Variants in ACSF2 observed in about 807,000 individuals in gnomAD.
The protein encoded by ACSF2 is medium-chain acyl-CoA ligase ACSF2, mitochondrial.
A neutral mutation model predicts 79.3 loss-of-function variants in ACSF2; 52 were observed. The observed-to-expected ratio is 0.66, with a 90% CI of 0.53 to 0.83. The LOEUF (loss-of-function observed/expected upper bound fraction) is 0.83. Ranked by LOEUF, ACSF2 falls within the 40% of genes least tolerant of loss-of-function variation. The pLI is 0.00. For missense variants in ACSF2, 661 were observed against 803.3 expected, an observed-to-expected ratio of 0.82 and a Z score of 2.14; for synonymous variants, 283 against 312.6, an observed-to-expected ratio of 0.91 and a Z score of 1.00.
In ACSF2 at chr17:50,474,094, C is replaced by T; in HGVS notation, c.1728+90C>T. On this transcript the variant is annotated intron_variant, in intron 14 of 15. Coordinates refer to ENST00000300441, the MANE Select transcript of ACSF2 (RefSeq NM_025149.6). The surrounding 1 kb of genome is among the most constrained non-coding windows in gnomAD (Gnocchi z 4.2). ...CCAGCCCAGGGTGGGGATTGCTCTG[C>T]CCTTGACGAAGCTGACTCCTGGCCA... 1.3e-6 allele frequency: 2 copies of T among 1,581,172 alleles called. No individual in the cohort carries two copies. Among genetic ancestry groups the T allele is most frequent in the African/African-American group, 2.7e-5 (2 of 74,516 alleles).
intron 1 of ACSF2, among the ~76,000 whole-genome samples, chr17:50,447,819 A>G (rs553386890): frequency 1.3e-5 from 2 of 152,314 alleles, no homozygotes; most frequent in East Asian, 3.9e-4. Context: ...CTGACGCTTG[A>G]GGCGTACCTT....
chr17:50,453,026 C>T (rs2031770674), intron 1 of ACSF2, among the ~76,000 whole-genome samples: 1 of 152,112 alleles, frequency 6.6e-6, no homozygotes, highest in East Asian at 1.9e-4. Flanking sequence ...CCTATGCCCT[C>T]TCCTTTCTCC....
chr17:50,427,021 G>C, intron 1 of ACSF2: 2 of 1,528,992 alleles, frequency 1.3e-6, no homozygotes, highest in Non-Finnish European at 1.8e-6. Flanking sequence ...TCCTTGGGAG[G>C]ACCCCGTGAG....
At chr17:50,427,531 TC>T (rs1363534506) in intron 1 of ACSF2, among the ~76,000 whole-genome samples, 3 of 152,044 alleles carry the variant, frequency 2.0e-5, no homozygotes, top group Admixed American at 1.3e-4. Context: ...TCCCAGGGTC[TC>T]CCTAGACAAG....
At position 50,473,794 on chromosome 17, in the gene ACSF2, G is replaced by A. The variant is rs745887532; in HGVS notation, c.1605G>A (p.Val535=). 1.2e-6 allele frequency: 2 copies of A among 1,614,250 alleles called. No individual in the cohort carries two copies. The highest frequency in any genetic ancestry group is 1.7e-5 in the Admixed American group (1 of 60,032). ...LEDFFHTHPK[V]QEVQVVGVKD... ...ACTTCTTTCACACACACCCGAAGGT[G>A]CAGGAAGTGCAGGTGAGGCACTTGG... The change falls in exon 13 of 16, where the codon GTG becomes GTA. Residue 535 remains valine, a synonymous_variant. Transcript: ENST00000300441.
At position 50,471,170 on chromosome 17, in the gene ACSF2, C is replaced by G; in HGVS notation, c.1323+35C>G. The G allele has an allele frequency of 1.3e-6, 2 of 1,581,116 alleles. No homozygotes were observed. ...TGACCAAGACTCCAAAGTCCCACCT[C>G]CCGTCACCCAGCTGGGGTGCACCCA... On this transcript the variant is annotated intron_variant, in intron 11 of 15. Transcript: ENST00000300441. This position sits in a 1 kb window ranked among gnomAD's most constrained non-coding sequence, Gnocchi z 4.1.
intron 1 of ACSF2, among the ~76,000 whole-genome samples, chr17:50,428,814 C>T (rs1915261874): frequency 6.6e-6 from 1 of 152,180 alleles, no homozygotes; most frequent in South Asian, 2.1e-4. Flanking sequence ...AAAAAGAAGC[C>T]TCAGGGCTGA....
intron 1 of ACSF2, among the ~76,000 whole-genome samples, chr17:50,457,773 TA>T: frequency 6.6e-6 from 1 of 152,192 alleles, no homozygotes; most frequent in Non-Finnish European, 1.5e-5. Flanking sequence ...GTATCCCTAG[TA>T]CCTGGCACAG....
At position 50,463,819 on chromosome 17, in the gene ACSF2, G is replaced by A. The variant is rs751666003; in HGVS notation, c.1048G>A (p.Gly350Ser). Residue 350 changes from glycine to serine, a missense_variant and splice_region_variant, in exon 9 of 16, where the codon GGC becomes AGC. Physicochemically the swap from Gly to Ser is moderately conservative, Grantham distance 56 (BLOSUM62 0). Coordinates refer to ENST00000300441, the MANE Select transcript of ACSF2 (RefSeq NM_025149.6). This position sits in a 1 kb window ranked among gnomAD's most constrained non-coding sequence, Gnocchi z 4.6. ...ATTTCGAGACCTCCTCCTATACAGAGGCACCTTCCTGTATGGTACCCCCAC... is the reference window on the plus strand; with the variant it reads ...ATTTCGAGACCTCCTCCTATACAGAAGCACCTTCCTGTATGGTACCCCCAC... ...KALEAISRER[G>S]TFLYGTPTMF... 1 of 1,613,962 alleles carries A rather than the reference G, an allele frequency of 6.2e-7. No individual in the cohort carries two copies.
At position 50,461,229 on chromosome 17, in the gene ACSF2, T is replaced by C; in HGVS notation, c.325-13T>C. 1 of 1,614,120 alleles carries C rather than the reference T, an allele frequency of 6.2e-7. No homozygotes were observed. On this transcript the variant is annotated splice_polypyrimidine_tract_variant and intron_variant, in intron 2 of 15. Coordinates refer to ENST00000300441, the MANE Select transcript of ACSF2 (RefSeq NM_025149.6). Reference sequence around the variant, plus strand: ...GCCCCCTTTCACCCCTTGCGCCCCATCTTTTACACTAGGTGGACAAAGCTG... The same window carrying C: ...GCCCCCTTTCACCCCTTGCGCCCCACCTTTTACACTAGGTGGACAAAGCTG...
chr17:50,469,470 G>A (rs982267184), intron 10 of ACSF2, among the ~76,000 whole-genome samples: 3 of 152,146 alleles, frequency 2.0e-5, no homozygotes, highest in African/African-American at 4.8e-5. Flanking sequence ...GTAGACCCGA[G>A]CTCCTTCCCC....
At chr17:50,436,690 T>C (rs755991830) in intron 1 of ACSF2, among the ~76,000 whole-genome samples, 49 of 151,910 alleles carry the variant, frequency 3.2e-4, no homozygotes, top group Non-Finnish European at 2.9e-4. Flanking sequence ...TACCTCGGCC[T>C]CCCAAAGTGC....
chr17:50,474,777 T>A lies in ACSF2; in HGVS notation c.*225T>A, dbSNP rs1369580778. ...CTGCCCAGGCCCTCCCTCCTGTCCA[T>A]CCCCCACATTCCCCTGTCTGTCCTT... On this transcript the variant is annotated 3_prime_UTR_variant, in exon 16 of 16. Coordinates refer to ENST00000300441, the MANE Select transcript of ACSF2 (RefSeq NM_025149.6). The surrounding 1 kb of genome is among the most constrained non-coding windows in gnomAD (Gnocchi z 4.2). The A allele has an allele frequency of 1.3e-5, 7 of 556,398 alleles. No individual in the cohort carries two copies. Among genetic ancestry groups the A allele is most frequent in the Non-Finnish European group, 2.2e-5 (7 of 314,090 alleles). 34.5% of individuals were successfully genotyped at this position (556,398 alleles called of 1,614,324 possible). A position where few individuals can be genotyped will look rare whatever the true frequency, so the allele number is the denominator to read the frequency against.
In ACSF2 at chr17:50,471,412, G is replaced by A. The variant is rs2033117143; in HGVS notation, c.1323+277G>A. ...GAGGTGTGTTTTTGCCAAGCCCACT[G>A]TCTGTTTCAGGGCAGCCAGGGTAGC... On this transcript the variant is annotated intron_variant, in intron 11 of 15. Transcript: ENST00000300441. This position sits in a 1 kb window ranked among gnomAD's most constrained non-coding sequence, Gnocchi z 4.1. 3 of 457,212 alleles carry A rather than the reference G, an allele frequency of 6.6e-6. No individual in the cohort carries two copies. Among genetic ancestry groups the A allele is most frequent in the Non-Finnish European group, 1.2e-5 (3 of 246,960 alleles). The allele number at this position is 457,212 out of a possible 1,614,324, so 28.3% of individuals were successfully genotyped here.
chr17:50,461,707 AG>A, intron 4 of ACSF2, 21 bp downstream of exon 4: 1 of 1,613,918 alleles, frequency 6.2e-7, no homozygotes, highest in South Asian at 1.1e-5. Flanking sequence ...TTTGTCGGGG[AG>A]GGGCCCGGCT....
intron 1 of ACSF2, among the ~76,000 whole-genome samples, chr17:50,443,406 A>G (rs1042509091): frequency 7.9e-5 from 12 of 152,234 alleles, no homozygotes; most frequent in African/African-American, 2.9e-4. Context: ...AAGCTAACAC[A>G]GTTTGGGATG....
intron 10 of ACSF2, chr17:50,469,172 G>C (rs1598434147): frequency 3.0e-6 from 1 of 333,330 alleles, no homozygotes; most frequent in Non-Finnish European, 4.3e-6. Flanking sequence ...TGGGAAGGGG[G>C]AATAGTTATG....
intron 1 of ACSF2, among the ~76,000 whole-genome samples, chr17:50,448,709 G>A (rs2031456427): frequency 6.6e-6 from 1 of 152,202 alleles, no homozygotes; most frequent in South Asian, 2.1e-4. Flanking sequence ...TCAAAAACAA[G>A]GGTGGCATCA....
chr17:50,462,355 T>G, intron 5 of ACSF2, 53 bp downstream of exon 5: 2 of 1,612,106 alleles, frequency 1.2e-6, no homozygotes, highest in Non-Finnish European at 1.7e-6. Context: ...CCCTGATTCC[T>G]TCACTTCCTA....
Sources: gnomAD v4.1 joint callset for allele counts (sites outside exome capture counted in the v4.1 genomes callset) on GRCh38, gnomAD v4.1.1 for gene constraint, Gnocchi (gnomAD v3.1) non-coding constraint, MANE v1.5 for transcripts, NCBI Gene and HGNC (gene_info 2026-07-23, HGNC 2026-07-21) for gene names.